Variants in TBCA observed in about 807,000 individuals in gnomAD.
The protein encoded by TBCA is tubulin-specific chaperone A.
TBCA carries 6 observed loss-of-function variants against 15.8 expected under a neutral mutation model. The observed-to-expected ratio is 0.38, with a 90% confidence interval of 0.21 to 0.75. The LOEUF is 0.75. Ranked by LOEUF, TBCA falls within the 30% of genes least tolerant of loss-of-function variation. The pLI is 0.46. For missense variants in TBCA, 90 were observed against 131.2 expected, an observed-to-expected ratio of 0.69 and a Z score of 1.53; for synonymous variants, 32 against 42.3, an observed-to-expected ratio of 0.76 and a Z score of 0.94.
At chr5:77,735,733 T>C (rs944330551) in intron 1 of TBCA, among the ~76,000 whole-genome samples, 1 of 152,222 alleles carries the variant, frequency 6.6e-6, no homozygotes, top group South Asian at 2.1e-4. Context: ...TTCAAGTTTA[T>C]TTGGCTTAAT....
At chr5:77,752,980 A>C (rs1165027899) in intron 1 of TBCA, among the ~76,000 whole-genome samples, 1 of 152,212 alleles carries the variant, frequency 6.6e-6, no homozygotes, top group Non-Finnish European at 1.5e-5. Flanking sequence ...GGTATGAGCC[A>C]CCGCACCCGG....
intron 1 of TBCA, among the ~76,000 whole-genome samples, chr5:77,711,894 C>T (rs987187516): frequency 2.0e-5 from 3 of 151,496 alleles, no homozygotes; most frequent in Non-Finnish European, 1.5e-5. Context: ...ATACAAGTTA[C>T]GTTTTTGCTT....
chr5:77,751,584 T>A (rs57856130), intron 1 of TBCA, among the ~76,000 whole-genome samples: 10,757 of 151,910 alleles, frequency 0.071, 531 homozygotes, highest in African/African-American at 0.14. Flanking sequence ...TGATTTACAT[T>A]CTCCCCAGAG....
rs938276707 is a variant in TBCA, at chr5:77,752,963, G to C, written c.53+23242C>G. ...CCACCTCAGCCTCTCAAAGTGCGGG[G>C]ATTACAGGTATGAGCCACCGCACCC... On this transcript the variant is annotated intron_variant, in intron 1 of 3. Coordinates refer to ENST00000380377, the MANE Select transcript of TBCA (RefSeq NM_004607.3). Among the ~76,000 whole-genome samples the C allele has an allele frequency of 3.3e-5, 5 of 152,114 alleles. No individual in the cohort carries two copies. In the East Asian group the frequency reaches 5.8e-4, roughly 18 times the overall value.
chr5:77,735,834 A>C (rs562311967), intron 1 of TBCA, among the ~76,000 whole-genome samples: 4 of 152,348 alleles, frequency 2.6e-5, no homozygotes, highest in Admixed American at 1.3e-4. Context: ...TGACAAGGCC[A>C]GCTTTATGTG....
At position 77,715,163 on chromosome 5, in the gene TBCA, A is replaced by T. The variant is rs1746369464; in HGVS notation, c.54-6816T>A. 4.4e-6 allele frequency: 3 copies of T among 678,652 alleles called. No individual in the cohort carries two copies. In the Admixed American group the frequency reaches 6.9e-5, roughly 16 times the overall value. The allele number at this position is 678,652 out of a possible 1,614,324, so 42.0% of individuals were successfully genotyped here. ...ATGTAAATAACTGATGAAAGAAGTTATAGGCCAAGGGATCTATTTTTAGTT... is the reference window on the plus strand; with the variant it reads ...ATGTAAATAACTGATGAAAGAAGTTTTAGGCCAAGGGATCTATTTTTAGTT... On this transcript the variant is annotated intron_variant, in intron 1 of 3. Coordinates refer to ENST00000380377, the MANE Select transcript of TBCA (RefSeq NM_004607.3).
chr5:77,701,638 A>T (rs1746016017), intron 2 of TBCA, among the ~76,000 whole-genome samples: 1 of 144,586 alleles, frequency 6.9e-6, no homozygotes, highest in African/African-American at 2.6e-5. Flanking sequence ...ATGTGGAACC[A>T]ACCCGAATGT....
chr5:77,738,624 C>T (rs1188187792), intron 1 of TBCA, among the ~76,000 whole-genome samples: 1 of 152,148 alleles, frequency 6.6e-6, no homozygotes, highest in Non-Finnish European at 1.5e-5. Context: ...GCTCTGTCAC[C>T]CAGGCTGGAG....
At position 77,708,319 on chromosome 5, in the gene TBCA, T is replaced by C. The variant is rs763231312; in HGVS notation, c.82A>G (p.Lys28Glu). The stretch of plus-strand genomic sequence containing the variant: ...TTTTCTTCTTGTTGTTTTGCCTCTT[T>C]TTCATACATCACTTTTTCTTTGACC... ...RLVKEKVMYE[K>E]EAKQQEEKIE... is the part of the protein sequence containing the mutation. The change falls in exon 2 of 4, where the codon AAA becomes GAA. Residue 28 changes from lysine to glutamate, a missense_variant. Coordinates refer to ENST00000380377, the MANE Select transcript of TBCA (RefSeq NM_004607.3). The C allele has an allele frequency of 1.1e-5, 18 of 1,611,068 alleles. No homozygotes were observed. The highest frequency in any genetic ancestry group is 1.4e-5 in the Non-Finnish European group (17 of 1,178,470).
At chr5:77,765,215 C>T (rs1414852348) in intron 1 of TBCA, among the ~76,000 whole-genome samples, 3 of 152,062 alleles carry the variant, frequency 2.0e-5, no homozygotes, top group Non-Finnish European at 4.4e-5. Flanking sequence ...ATCACATAGC[C>T]CCTGAAAAAC....
At chr5:77,755,359 A>ATC (rs1451132527) in intron 1 of TBCA, among the ~76,000 whole-genome samples, 1 of 152,160 alleles carries the variant, frequency 6.6e-6, no homozygotes, top group East Asian at 1.9e-4. Context: ...TGAGCAGATC[A>ATC]TGAGGTCAGG....
At chr5:77,703,620 A>C (rs185189412) in intron 2 of TBCA, among the ~76,000 whole-genome samples, 1,582 of 152,256 alleles carry the variant, frequency 0.01, 16 homozygotes, top group Non-Finnish European at 0.015. Flanking sequence ...TCTGTCACCC[A>C]GGCTGGAGTA....
At chr5:77,717,851 C>A (rs554383754) in intron 1 of TBCA, among the ~76,000 whole-genome samples, 1 of 151,326 alleles carries the variant, frequency 6.6e-6, no homozygotes, top group Non-Finnish European at 1.5e-5. Flanking sequence ...AAAAAAAGGC[C>A]GGGGGCAGTG....
At chr5:77,726,769 T>C (rs1481464221) in intron 1 of TBCA, among the ~76,000 whole-genome samples, 1 of 152,150 alleles carries the variant, frequency 6.6e-6, no homozygotes, top group Non-Finnish European at 1.5e-5. Context: ...TAAAATTATG[T>C]TCATTAGTAT....
rs1181362258 is a variant in TBCA at position 77,766,556 on chromosome 5, C to T, written c.53+9649G>A. Among the ~76,000 whole-genome samples the T allele has an allele frequency of 6.9e-5, 6 of 86,698 alleles. 2 individuals carry two copies. Among genetic ancestry groups the T allele is most frequent in the African/African-American group, 2.7e-4 (6 of 21,970 alleles). 56.9% of individuals were successfully genotyped at this position (86,698 alleles called of 152,430 possible). ...ACGGAGTCTCGTTCTGTCGCCCAGG[C>T]GGGAGTGCTGTGGCGCGATCTCCGC... On this transcript the variant is annotated intron_variant, in intron 1 of 3. Transcript: ENST00000380377.
chr5:77,750,062 G>C (rs1182700200), intron 1 of TBCA, among the ~76,000 whole-genome samples: 1 of 151,026 alleles, frequency 6.6e-6, no homozygotes, highest in Admixed American at 6.6e-5. Context: ...TTCTCAGCTG[G>C]GTGGCTGGTG....
At chr5:77,706,845 A>G (rs1305879981) in intron 2 of TBCA, among the ~76,000 whole-genome samples, 4 of 151,764 alleles carry the variant, frequency 2.6e-5, no homozygotes, top group African/African-American at 9.7e-5. Flanking sequence ...AAGAAAAGAA[A>G]AAAAGAAATA....
intron 1 of TBCA, among the ~76,000 whole-genome samples, chr5:77,752,336 C>G (rs1190112932): frequency 6.6e-6 from 1 of 152,026 alleles, no homozygotes; most frequent in South Asian, 2.1e-4. Context: ...TCTTTTTATC[C>G]ATTTAGGTTT....
intron 1 of TBCA, among the ~76,000 whole-genome samples, chr5:77,735,916 A>G (rs1463603586): frequency 6.6e-6 from 1 of 152,222 alleles, no homozygotes; most frequent in African/African-American, 2.4e-5. Flanking sequence ...AACTGCCTCT[A>G]TTTAAAAGAA....
Sources: gnomAD v4.1 joint callset for allele counts (sites outside exome capture counted in the v4.1 genomes callset) on GRCh38, gnomAD v4.1.1 for gene constraint, MANE v1.5 for transcripts, NCBI Gene and HGNC (gene_info 2026-07-23, HGNC 2026-07-21) for gene names.